UNC13B: variants seen among roughly 807,000 people sequenced by gnomAD.
The protein encoded by UNC13B is unc-13 homolog B.
UNC13B carries 144 observed loss-of-function variants against 211.0 expected under a neutral mutation model. That is an observed-to-expected ratio of 0.68 (90% CI 0.60 to 0.78). The LOEUF is 0.78. Among genes scored for constraint, UNC13B ranks in the 30% least tolerant of loss-of-function variants. The pLI, the probability that UNC13B is intolerant of heterozygous loss-of-function variation, is 0.00. For missense variants in UNC13B, 1,777 were observed against 2,002.0 expected (o/e 0.89, Z 2.14); for synonymous variants, 709 against 725.8 (o/e 0.98, Z 0.37).
At chr9:35,357,669 C>T (rs1188489683) in intron 11 of UNC13B, among the ~76,000 whole-genome samples, 1 of 151,094 alleles carries the variant, frequency 6.6e-6, no homozygotes, top group Non-Finnish European at 1.5e-5. Context: ...GAGAGGATCA[C>T]TTGAGCTCAG....
intron 11 of UNC13B, chr9:35,362,185 G>A (rs1564166037): frequency 6.6e-6 from 1 of 152,318 alleles, no homozygotes; most frequent in Non-Finnish European, 1.5e-5. Context: ...AAATGGAAAG[G>A]CAGCAGTGGA....
chr9:35,316,151 A>C (rs1051551235), intron 11 of UNC13B, among the ~76,000 whole-genome samples: 11 of 152,164 alleles, frequency 7.2e-5, no homozygotes, highest in Non-Finnish European at 1.3e-4. Flanking sequence ...GCCGTCTCCT[A>C]TCTGAATCTA....
intron 11 of UNC13B, among the ~76,000 whole-genome samples, chr9:35,357,762 A>G (rs1833126996): frequency 6.6e-6 from 1 of 152,154 alleles, no homozygotes; most frequent in Non-Finnish European, 1.5e-5. Flanking sequence ...TAAAATATAC[A>G]TAACATAAAA....
chr9:35,268,959 A>G (rs902749122), intron 7 of UNC13B, among the ~76,000 whole-genome samples: 8 of 152,178 alleles, frequency 5.3e-5, no homozygotes, highest in Non-Finnish European at 7.3e-5. Context: ...TTTTAAAAGG[A>G]AAAAATGGTT....
intron 23 of UNC13B, 102 bp downstream of exon 23, chr9:35,385,915 A>T: frequency 6.8e-7 from 1 of 1,473,936 alleles, no homozygotes; most frequent in Non-Finnish European, 9.2e-7. Flanking sequence ...TACAGGATTC[A>T]TCACCTCTAA....
intron 7 of UNC13B, among the ~76,000 whole-genome samples, chr9:35,264,116 C>T (rs563918075): frequency 1.3e-5 from 2 of 152,026 alleles, no homozygotes; most frequent in South Asian, 4.2e-4. Flanking sequence ...GAGGTGCATG[C>T]TAGAAAAAAC....
intron 11 of UNC13B, among the ~76,000 whole-genome samples, chr9:35,326,021 C>T (rs938573924): frequency 6.6e-5 from 10 of 152,132 alleles, no homozygotes; most frequent in Admixed American, 3.3e-4. Context: ...CATATGGTAA[C>T]GTTGTTTAAC....
Position 35,377,524 on chromosome 9 carries a change from A to G in UNC13B, c.9892A>G (p.Met3298Val). ...GAEDRTQNII[M>V]AMKDRMKIRE... ...TGAGGACCGGACCCAGAACATTATC[A>G]TGGCCATGAAGGACCGCATGAAGAT... Residue 3298 changes from methionine (M) to valine (V), a missense_variant, in exon 16 of 40, where the codon ATG (methionine) becomes GTG (valine). By Grantham distance (21) the Met-to-Val change is conservative. Transcript: ENST00000635942. 3 of 1,614,238 alleles carry G rather than the reference A, an allele frequency of 1.9e-6. No homozygotes were observed. Among genetic ancestry groups the G allele is most frequent in the Non-Finnish European group, 2.5e-6 (3 of 1,180,056 alleles).
At chr9:35,227,028 C>T (rs1564078976) in intron 1 of UNC13B, among the ~76,000 whole-genome samples, 1 of 152,160 alleles carries the variant, frequency 6.6e-6, no homozygotes, top group East Asian at 1.9e-4. Flanking sequence ...CCAGGCTATT[C>T]AGAGAGATGT....
chr9:35,183,361 C>T (rs529106621), intron 1 of UNC13B, among the ~76,000 whole-genome samples: 18 of 133,926 alleles, frequency 1.3e-4, no homozygotes, highest in African/African-American at 3.1e-4. Flanking sequence ...GCGGGGCGGC[C>T]GGGCAGAGGC....
At position 35,306,896 on chromosome 9, in the gene UNC13B, G is replaced by C; in HGVS notation, c.7492G>C (p.Ala2498Pro). The change falls in exon 9 of 40, where the codon GCT becomes CCT. Residue 2498 changes from alanine to proline, a missense_variant. Transcript: ENST00000635942. ...SPKKNSFFSL[A>P]SDVSSQPLKG... The stretch of plus-strand genomic sequence containing the variant: ...AAAGAAAAACTCCTTTTTCTCTCTT[G>C]CTTCTGATGTATCATCTCAGCCCCT... 2.5e-6 allele frequency: 1 copy of C among 398,886 alleles called. No homozygotes were observed. The highest frequency in any genetic ancestry group is 4.4e-6 in the Non-Finnish European group (1 of 226,038). The allele number at this position is 398,886 out of a possible 1,614,324, so 24.7% of individuals were successfully genotyped here.
At chr9:35,234,786 T>C (rs951313165) in intron 3 of UNC13B, among the ~76,000 whole-genome samples, 2 of 152,218 alleles carry the variant, frequency 1.3e-5, no homozygotes, top group African/African-American at 4.8e-5. Flanking sequence ...AAATTTTCTT[T>C]GCTTTATTCA....
chr9:35,207,452 A>G (rs1265368217), intron 1 of UNC13B, among the ~76,000 whole-genome samples: 1 of 150,542 alleles, frequency 6.6e-6, no homozygotes, highest in Non-Finnish European at 1.5e-5. Context: ...ATTTTTTTCT[A>G]TGAACTCTGC....
At position 35,395,894 on chromosome 9, in the gene UNC13B, A is replaced by G. The variant is rs375175303; in HGVS notation, c.11309-582A>G. 6.3e-4 allele frequency among the ~76,000 whole-genome samples: 96 copies of G among 152,202 alleles called. 1 individual carries two copies. The South Asian group carries it at 0.016, about 25-fold the overall frequency. On this transcript the variant is annotated intron_variant, in intron 26 of 39. Coordinates refer to ENST00000635942, the MANE Select transcript of UNC13B (RefSeq NM_001371189.2). ...ACTTCCCTGAGAATTCATTTTTTCA[A>G]TGTCTCAGCTCTGCCCTGGAGCCCT... is the stretch of plus-strand genomic sequence containing the variant.
intron 7 of UNC13B, among the ~76,000 whole-genome samples, chr9:35,263,739 T>C (rs1006326617): frequency 1.3e-5 from 2 of 151,490 alleles, no homozygotes; most frequent in Admixed American, 1.3e-4. Context: ...TGTGAGGAGG[T>C]GATAAAGGTT....
At position 35,399,237 on chromosome 9, in the gene UNC13B, A is replaced by C; in HGVS notation, c.12151A>C (p.Asn4051His). Residue 4051 changes from asparagine to histidine, a missense_variant, in exon 34 of 40, where the codon AAC becomes CAC. Physicochemically the swap from Asn to His is moderately conservative, Grantham distance 68 (BLOSUM62 1). Coordinates refer to ENST00000635942, the MANE Select transcript of UNC13B (RefSeq NM_001371189.2). Reference protein sequence around the residue: ...VLKELWRVVMNTMERMIVLPP... With the variant: ...VLKELWRVVMHTMERMIVLPP... ...GAAGGAGCTCTGGCGCGTGGTGATG[A>C]ACACAATGGAGAGGATGATTGTTCT... 1 of 1,614,094 alleles carries C rather than the reference A, an allele frequency of 6.2e-7. No homozygotes were observed. Among genetic ancestry groups the C allele is most frequent in the Non-Finnish European group, 8.5e-7 (1 of 1,180,006 alleles).
At chr9:35,277,476 C>T (rs1388426038) in intron 7 of UNC13B, among the ~76,000 whole-genome samples, 1 of 152,200 alleles carries the variant, frequency 6.6e-6, no homozygotes, top group Non-Finnish European at 1.5e-5. Context: ...AGACAGAGAA[C>T]TGTCATACTT....
intron 10 of UNC13B, among the ~76,000 whole-genome samples, chr9:35,312,639 C>T (rs1255617082): frequency 6.6e-6 from 1 of 152,180 alleles, no homozygotes; most frequent in Non-Finnish European, 1.5e-5. Context: ...CAACAGTTGA[C>T]ACATTTAGTT....
Position 35,237,755 on chromosome 9 carries a change from A to G in UNC13B, c.323A>G (p.Asp108Gly), listed in dbSNP as rs758943835. The change falls in exon 5 of 40, where the codon GAT (aspartate) becomes GGT (glycine). Residue 108 changes from aspartate (D) to glycine (G), a missense_variant. By Grantham distance (94) the Asp-to-Gly change is moderately conservative. Transcript: ENST00000635942. ...GAGGCAGAGACGTTAATGAAAGACG[A>G]TGAGATCTGTGGAACTAGAAACCCA... ...TLEAETLMKD[D>G]EICGTRNPTP... 2 of 1,614,046 alleles carry G rather than the reference A, an allele frequency of 1.2e-6. No individual in the cohort carries two copies. The highest frequency in any genetic ancestry group is 1.7e-6 in the Non-Finnish European group (2 of 1,179,962).
Sources: gnomAD v4.1 joint callset for allele counts (sites outside exome capture counted in the v4.1 genomes callset) on GRCh38, gnomAD v4.1.1 for gene constraint, MANE v1.5 for transcripts, NCBI Gene and HGNC (gene_info 2026-07-23, HGNC 2026-07-21) for gene names.